CHIC1: variants seen among roughly 807,000 people sequenced by gnomAD.
CHIC1 encodes cysteine-rich hydrophobic domain-containing protein 1.
CHIC1 carries 7 observed loss-of-function variants against 18.5 expected under a neutral mutation model. That is an observed-to-expected ratio of 0.38 (90% confidence interval 0.22 to 0.71). CHIC1 has a LOEUF of 0.71. CHIC1 is among the 30% of genes least tolerant of loss of function. The pLI, the probability that CHIC1 is intolerant of heterozygous loss-of-function variation, is 0.49. For synonymous variants in CHIC1, 77 were observed against 73.5 expected (o/e 1.05, Z -0.25); for missense variants, 159 against 176.9 (o/e 0.90, Z 0.57).
At chrX:73,585,702 G>T (rs1422256593) in intron 3 of CHIC1, among the ~76,000 whole-genome samples, 2 of 111,333 alleles carry the variant, frequency 1.8e-5, no homozygotes, top group Admixed American at 9.6e-5. Context: ...CTTAAGAACA[G>T]ATTTTTTTGT....
At chrX:73,602,629 T>A (rs368707462) in intron 3 of CHIC1, among the ~76,000 whole-genome samples, 3 of 109,148 alleles carry the variant, frequency 2.7e-5, no homozygotes. Context: ...GGTTTTCTTC[T>A]AGGGTTTTTA....
chrX:73,678,341 A>G (rs907411498), intron 3 of CHIC1, among the ~76,000 whole-genome samples: 1 of 112,221 alleles, frequency 8.9e-6, no homozygotes, highest in Middle Eastern at 4.6e-3. Context: ...GCTTGCCCTG[A>G]GTATGTCAGT....
At chrX:73,602,098 C>T (rs930269430) in intron 3 of CHIC1, among the ~76,000 whole-genome samples, 1 of 106,224 alleles carries the variant, frequency 9.4e-6, no homozygotes, top group Non-Finnish European at 1.9e-5. Context: ...TGAAAAAAGC[C>T]CAGGGCCAGA....
intron 3 of CHIC1, 84 bp from the exon 4 acceptor site, chrX:73,679,242 C>T: frequency 1.7e-6 from 1 of 587,817 alleles, no homozygotes; most frequent in South Asian, 2.7e-5. Context: ...TGGGATGTTA[C>T]AAGTAGGCAG....
At chrX:73,622,857 G>T (rs973453119) in intron 3 of CHIC1, among the ~76,000 whole-genome samples, 1 of 111,920 alleles carries the variant, frequency 8.9e-6, no homozygotes, top group African/African-American at 3.2e-5. Context: ...CACTGCTTTA[G>T]CTGTGTCCCA....
chrX:73,649,199 G>T (rs2057903736), intron 3 of CHIC1, among the ~76,000 whole-genome samples: 1 of 111,528 alleles, frequency 9.0e-6, no homozygotes, highest in Admixed American at 9.5e-5. Flanking sequence ...CCTGAAGGAA[G>T]CACTAAATAT....
intron 3 of CHIC1, among the ~76,000 whole-genome samples, chrX:73,593,833 T>C (rs778159757): frequency 1.8e-5 from 2 of 111,722 alleles, no homozygotes. Context: ...CTTCCTTGGA[T>C]TGGACTTCAA....
intron 3 of CHIC1, among the ~76,000 whole-genome samples, chrX:73,614,957 T>G (rs1035898293): frequency 1.4e-4 from 16 of 111,569 alleles, no homozygotes; most frequent in African/African-American, 4.9e-4. Context: ...TTTTTTTGTG[T>G]GTGTCCTTAT....
intron 3 of CHIC1, among the ~76,000 whole-genome samples, chrX:73,672,270 T>A (rs911066852): frequency 8.9e-6 from 1 of 112,034 alleles, no homozygotes; most frequent in African/African-American, 3.2e-5. Flanking sequence ...TTATAATCCT[T>A]TGGGTATATA....
intron 3 of CHIC1, among the ~76,000 whole-genome samples, chrX:73,666,076 T>C (rs768063477): frequency 8.9e-6 from 1 of 111,996 alleles, no homozygotes; most frequent in South Asian, 3.8e-4. Context: ...TCTCAGGCTC[T>C]GGATAAGAGA....
In CHIC1 at chrX:73,584,591, G is replaced by GTAT. The variant is rs1443988882; in HGVS notation, c.507+20_507+22dup. On this transcript the variant is annotated intron_variant, in intron 3 of 5. Transcript: ENST00000373502. ...CAAAAGAGTGAGTAACTGTTTTATT[G>GTAT]TATAATAATAATAATAACTAACATT... The GTAT allele has an allele frequency of 9.3e-7, 1 of 1,075,677 alleles. No homozygotes were observed. The highest frequency in any genetic ancestry group is 2.8e-5 in the Admixed American group (1 of 35,861). 88.6% of individuals were successfully genotyped at this position (1,075,677 alleles called of 1,213,427 possible).
At chrX:73,676,527 C>T (rs2058064167) in intron 3 of CHIC1, among the ~76,000 whole-genome samples, 1 of 112,024 alleles carries the variant, frequency 8.9e-6, no homozygotes, top group Admixed American at 9.4e-5. Context: ...ATCTCATCGG[C>T]TAGTGAGGCT....
In CHIC1 at chrX:73,686,015, C is replaced by A. The variant is rs2058120038; in HGVS notation, c.*5010C>A. 9.0e-6 allele frequency: 1 copy of A among 111,155 alleles called. No individual in the cohort carries two copies. The highest frequency in any genetic ancestry group is 3.8e-4 in the South Asian group (1 of 2,663). 9.2% of individuals were successfully genotyped at this position (111,155 alleles called of 1,213,427 possible). A position where few individuals can be genotyped will look rare whatever the true frequency, so the allele number is the denominator to read the frequency against. ...AAATTATACATTTACCCATAATATTCCTGCTTCACAAGTCAATTAAGACAT... is the reference window on the plus strand; with the variant it reads ...AAATTATACATTTACCCATAATATTACTGCTTCACAAGTCAATTAAGACAT... On this transcript the variant is annotated 3_prime_UTR_variant, in exon 6 of 6. Transcript: ENST00000373502.
chrX:73,629,912 C>A (rs1173329419), intron 3 of CHIC1, among the ~76,000 whole-genome samples: 1 of 111,878 alleles, frequency 8.9e-6, no homozygotes, highest in African/African-American at 3.2e-5. Flanking sequence ...CATATAAATT[C>A]TTCCAGTCCA....
At position 73,685,796 on chromosome X, in the gene CHIC1, G is replaced by A. The variant is rs1055055462; in HGVS notation, c.*4791G>A. On this transcript the variant is annotated 3_prime_UTR_variant, in exon 6 of 6. Coordinates refer to ENST00000373502, the MANE Select transcript of CHIC1 (RefSeq NM_001039840.4). ...AGTCAGGTCCTACAGAATGACTATT[G>A]CACTTGGTCTATTGTTTTAATAGTA... 2.7e-5 allele frequency: 3 copies of A among 111,216 alleles called. No individual in the cohort carries two copies. Among genetic ancestry groups the A allele is most frequent in the Admixed American group, 9.6e-5 (1 of 10,432 alleles). 9.2% of individuals were successfully genotyped at this position (111,216 alleles called of 1,213,427 possible).
chrX:73,640,227 G>A (rs748322216), intron 3 of CHIC1, among the ~76,000 whole-genome samples: 82 of 111,510 alleles, frequency 7.4e-4, no homozygotes, highest in African/African-American at 2.3e-3. Flanking sequence ...GTTTATTGAG[G>A]GTTTTTAACA....
intron 2 of CHIC1, among the ~76,000 whole-genome samples, chrX:73,582,504 T>C (rs1040476553): frequency 4.6e-5 from 5 of 109,849 alleles, no homozygotes; most frequent in Non-Finnish European, 9.6e-5. Flanking sequence ...GAGCATTGAA[T>C]CTGCATTTAA....
intron 5 of CHIC1, 90 bp from the exon 6 acceptor site, chrX:73,680,865 A>G (rs956290508): frequency 3.2e-5 from 15 of 474,853 alleles, no homozygotes; most frequent in African/African-American, 4.9e-5. Flanking sequence ...ATATTGTCCT[A>G]TGAAAAATGA....
At chrX:73,626,377 G>A (rs775654262) in intron 3 of CHIC1, among the ~76,000 whole-genome samples, 1 of 111,138 alleles carries the variant, frequency 9.0e-6, no homozygotes, top group South Asian at 3.8e-4. Flanking sequence ...TTATCACTTT[G>A]AATAAACTTA....
Sources: allele counts gnomAD v4.1 joint callset (sites outside exome capture counted in the v4.1 genomes callset), GRCh38; gene constraint gnomAD v4.1.1; transcripts MANE v1.5; gene names NCBI Gene and HGNC (gene_info 2026-07-23, HGNC 2026-07-21).